Variants in NPAS3 observed in about 807,000 individuals in gnomAD.
NPAS3 encodes neuronal PAS domain-containing protein 3.
A neutral mutation model predicts 73.1 loss-of-function variants in NPAS3; 14 were observed. The observed-to-expected ratio is 0.19, with a 90% CI of 0.13 to 0.30. NPAS3 has a LOEUF of 0.30. NPAS3 is among the 10% of genes least tolerant of loss of function. The pLI, the probability that NPAS3 is intolerant of heterozygous loss-of-function variation, is 1.00. For synonymous variants in NPAS3, 620 were observed against 541.5 expected, an observed-to-expected ratio of 1.14 and a Z score of -2.01; for missense variants, 1,096 against 1,250.0, an observed-to-expected ratio of 0.88 and a Z score of 1.86.
chr14:33,378,149 TCAAA>T (rs1243408747), intron 4 of NPAS3, among the ~76,000 whole-genome samples: 1 of 152,208 alleles, frequency 6.6e-6, no homozygotes, highest in Non-Finnish European at 1.5e-5. Context: ...AAGTCTTACC[TCAAA>T]CAGTGTTAGA....
At chr14:33,171,693 T>G (rs1330318105) in intron 2 of NPAS3, among the ~76,000 whole-genome samples, 1 of 152,222 alleles carries the variant, frequency 6.6e-6, no homozygotes, top group Non-Finnish European at 1.5e-5. Context: ...CACTTTCGTA[T>G]TATTTGTGTG....
At chr14:33,187,229 A>G (rs2046008671) in intron 2 of NPAS3, among the ~76,000 whole-genome samples, 1 of 152,122 alleles carries the variant, frequency 6.6e-6, no homozygotes, top group African/African-American at 2.4e-5. Context: ...TCCAATGTCA[A>G]TCAATCTTGT....
At chr14:33,491,714 C>T (rs1459208522) in intron 4 of NPAS3, among the ~76,000 whole-genome samples, 1 of 152,126 alleles carries the variant, frequency 6.6e-6, no homozygotes, top group Non-Finnish European at 1.5e-5. Flanking sequence ...TGTTACTCTG[C>T]ACTATAATAC....
intron 1 of NPAS3, among the ~76,000 whole-genome samples, chr14:32,980,573 TTTAC>T (rs1305052775): frequency 6.6e-6 from 1 of 152,098 alleles, no homozygotes; most frequent in East Asian, 1.9e-4. Context: ...TAAATTATAC[TTTAC>T]TTATGTTTTT....
intron 5 of NPAS3, among the ~76,000 whole-genome samples, 178 bp from the exon 6 acceptor site, chr14:33,676,033 A>ATCTT (rs1215675297): frequency 6.6e-6 from 1 of 152,210 alleles, no homozygotes; most frequent in East Asian, 1.9e-4. Flanking sequence ...ATGTGAAAAA[A>ATCTT]TCTTTCTCTT....
intron 2 of NPAS3, among the ~76,000 whole-genome samples, chr14:33,193,377 T>C (rs533111289): frequency 6.6e-6 from 1 of 152,228 alleles, no homozygotes; most frequent in African/African-American, 2.4e-5. Context: ...GTGATTATCT[T>C]AGAAAGAAGT....
intron 8 of NPAS3, 49 bp downstream of exon 8, chr14:33,774,579 G>A (rs756154438): frequency 2.4e-5 from 35 of 1,476,360 alleles, no homozygotes; most frequent in Non-Finnish European, 3.2e-5. Flanking sequence ...GCACATTGGT[G>A]AGGGTTGTGT....
chr14:33,019,922 C>T (rs1013092578), intron 1 of NPAS3, among the ~76,000 whole-genome samples: 1 of 152,122 alleles, frequency 6.6e-6, no homozygotes, highest in Non-Finnish European at 1.5e-5. Flanking sequence ...CATATAGAAA[C>T]TTCTTTTGCT....
At chr14:33,079,525 C>T (rs1456078300) in intron 2 of NPAS3, among the ~76,000 whole-genome samples, 1 of 150,248 alleles carries the variant, frequency 6.7e-6, no homozygotes, top group Non-Finnish European at 1.5e-5. Flanking sequence ...ACCATGTTGG[C>T]CAGGCTGGTC....
intron 2 of NPAS3, among the ~76,000 whole-genome samples, chr14:33,089,901 C>A (rs910226490): frequency 1.3e-5 from 2 of 152,144 alleles, no homozygotes; most frequent in African/African-American, 2.4e-5. Context: ...CCAAACTAAG[C>A]TTCATAAGTG....
intron 4 of NPAS3, among the ~76,000 whole-genome samples, chr14:33,396,591 T>A (rs1348014398): frequency 6.6e-6 from 1 of 152,162 alleles, no homozygotes; most frequent in Admixed American, 6.6e-5. Context: ...ATTCTATTCC[T>A]GCATGGTTCT....
chr14:33,489,708 T>G (rs2051794713), intron 4 of NPAS3, among the ~76,000 whole-genome samples: 1 of 152,228 alleles, frequency 6.6e-6, no homozygotes, highest in African/African-American at 2.4e-5. Context: ...TGCTGCTGTT[T>G]CAAGTGCAAG....
intron 4 of NPAS3, among the ~76,000 whole-genome samples, chr14:33,522,881 G>A (rs2053619736): frequency 6.6e-6 from 1 of 152,074 alleles, no homozygotes; most frequent in South Asian, 2.1e-4. Context: ...GTACATACTT[G>A]CCTCATATTC....
chr14:33,786,324 A>C (rs1032231151), intron 9 of NPAS3, among the ~76,000 whole-genome samples: 1 of 152,228 alleles, frequency 6.6e-6, no homozygotes, highest in Non-Finnish European at 1.5e-5. Flanking sequence ...GATCCTGGAA[A>C]TGTTTCTGAC....
intron 1 of NPAS3, among the ~76,000 whole-genome samples, chr14:32,976,249 GCT>G (rs2037672847): frequency 1.3e-5 from 2 of 152,076 alleles, no homozygotes; most frequent in African/African-American, 4.8e-5. Flanking sequence ...TAGGAAGACG[GCT>G]CTCGCACTAG....
chr14:33,166,068 T>G (rs2045130438), intron 2 of NPAS3, among the ~76,000 whole-genome samples: 1 of 152,218 alleles, frequency 6.6e-6, no homozygotes, highest in Admixed American at 6.5e-5. Context: ...CCCCATGTGC[T>G]TCCACTACTG....
At chr14:33,102,866 A>G (rs969499656) in intron 2 of NPAS3, among the ~76,000 whole-genome samples, 2 of 152,174 alleles carry the variant, frequency 1.3e-5, no homozygotes, top group African/African-American at 4.8e-5. Context: ...TGCCTCAAAA[A>G]TCTTATTTAC....
chr14:33,453,950 A>G (rs1397585779), intron 4 of NPAS3, among the ~76,000 whole-genome samples: 1 of 152,158 alleles, frequency 6.6e-6, no homozygotes, highest in African/African-American at 2.4e-5. Flanking sequence ...TCTACCTCCC[A>G]AAGTGCTGGG....
At chr14:33,554,461 A>C (rs1490298709) in intron 4 of NPAS3, among the ~76,000 whole-genome samples, 1 of 152,200 alleles carries the variant, frequency 6.6e-6, no homozygotes, top group Non-Finnish European at 1.5e-5. Flanking sequence ...CATTTAAATC[A>C]TGTATATCTT....
Sources: allele counts gnomAD v4.1 joint callset (sites outside exome capture counted in the v4.1 genomes callset), GRCh38; gene constraint gnomAD v4.1.1; transcripts MANE v1.5; gene names NCBI Gene and HGNC (gene_info 2026-07-23, HGNC 2026-07-21).